Variants in FAM117A observed in about 807,000 individuals in gnomAD.
The protein encoded by FAM117A is protein FAM117A.
Under a neutral mutation model 44.1 loss-of-function variants are expected in FAM117A, and 21 were observed. That is an observed-to-expected ratio of 0.48 (90% CI 0.34 to 0.69). The LOEUF (loss-of-function observed/expected upper bound fraction) is 0.69. Ranked by LOEUF, FAM117A falls within the 30% of genes least tolerant of loss-of-function variation. The pLI, the probability that FAM117A is intolerant of heterozygous loss-of-function variation, is 0.01. For missense variants in FAM117A, 498 were observed against 589.9 expected (o/e 0.84, Z 1.61); for synonymous variants, 220 against 238.3 (o/e 0.92, Z 0.71).
intron 1 of FAM117A, among the ~76,000 whole-genome samples, chr17:49,743,548 T>C (rs2143756618): frequency 6.6e-6 from 1 of 152,120 alleles, no homozygotes; most frequent in Middle Eastern, 3.4e-3. Context: ...GCTAACACAG[T>C]GAAACCCCGT....
intron 1 of FAM117A, among the ~76,000 whole-genome samples, chr17:49,734,842 T>C (rs1404601280): frequency 6.6e-6 from 1 of 152,162 alleles, no homozygotes; most frequent in Non-Finnish European, 1.5e-5. Context: ...TGGAATACTA[T>C]TCAGTCTTCA....
rs754598835 is a variant in FAM117A, at chr17:49,710,596, G to A, written c.*659C>T. ...GGCGGAGAGTATAGAGTCGCCATTT[G>A]CCACCTGGAGGAATGCCAGCTCTCC... On this transcript the variant is annotated 3_prime_UTR_variant, in exon 8 of 8. Transcript: ENST00000240364. The A allele has an allele frequency of 6.5e-6, 1 of 152,672 alleles. No individual in the cohort carries two copies. Among genetic ancestry groups the A allele is most frequent in the Non-Finnish European group, 1.5e-5 (1 of 68,106 alleles). The allele number at this position is 152,672 out of a possible 1,614,324, so 9.5% of individuals were successfully genotyped here. A position where few individuals can be genotyped will look rare whatever the true frequency, so the allele number is the denominator to read the frequency against.
At chr17:49,764,285 T>C (rs1392912307), upstream of FAM117A, 5 of 333,318 alleles carry the variant, frequency 1.5e-5, no homozygotes, top group Non-Finnish European at 2.7e-5. Context: ...GATTGGTCGA[T>C]GAGCCTAGCG....
chr17:49,787,733 G>A (rs1186710361), intron 1 of FAM117A, among the ~76,000 whole-genome samples: 1 of 152,194 alleles, frequency 6.6e-6, no homozygotes, highest in Admixed American at 6.5e-5. Flanking sequence ...CTTTTCTTAA[G>A]GCTCTTCTTT....
At chr17:49,769,629 C>CAGGA (rs1247136354) in intron 1 of FAM117A, among the ~76,000 whole-genome samples, 2 of 151,892 alleles carry the variant, frequency 1.3e-5, no homozygotes, top group Non-Finnish European at 2.9e-5. Context: ...GGCGTGAACC[C>CAGGA]AGGAGGCAGA....
intron 1 of FAM117A, among the ~76,000 whole-genome samples, chr17:49,763,428 A>AAC (rs750083820): frequency 1.8e-4 from 27 of 152,066 alleles, no homozygotes; most frequent in Admixed American, 9.8e-4. Context: ...CTGGAGAAGT[A>AAC]ACACACGGCT....
chr17:49,729,830 A>G lies in FAM117A; in HGVS notation c.366+2721T>C, dbSNP rs2073577334. Among the ~76,000 whole-genome samples, 4 of 152,128 alleles carry G rather than the reference A, an allele frequency of 2.6e-5. 1 individual carries two copies. In the South Asian group the frequency reaches 8.3e-4, roughly 32 times the overall value. On this transcript the variant is annotated intron_variant, in intron 2 of 7. Coordinates refer to ENST00000240364, the MANE Select transcript of FAM117A (RefSeq NM_030802.4). ...TATTAGTCCATTTTTAACAGCTTAA[A>G]AGCTTTCAAGGACTTTGGTAGATCC...
intron 1 of FAM117A, among the ~76,000 whole-genome samples, chr17:49,749,382 C>A (rs1256453738): frequency 6.6e-6 from 1 of 151,952 alleles, no homozygotes; most frequent in Non-Finnish European, 1.5e-5. Context: ...CAAGACCATC[C>A]TGGCCAACAT....
At chr17:49,781,107 T>C (rs1177580296) in intron 1 of FAM117A, among the ~76,000 whole-genome samples, 1 of 152,200 alleles carries the variant, frequency 6.6e-6, no homozygotes, top group African/African-American at 2.4e-5. Context: ...TGAGCCACCA[T>C]GCCTGGCCAT....
intron 1 of FAM117A, among the ~76,000 whole-genome samples, chr17:49,741,549 A>G (rs1386541424): frequency 2.0e-5 from 3 of 152,176 alleles, no homozygotes; most frequent in Non-Finnish European, 4.4e-5. Flanking sequence ...TCTTCACTTA[A>G]GGAGGAGAAG....
intron 1 of FAM117A, among the ~76,000 whole-genome samples, chr17:49,762,587 T>C (rs925427934): frequency 2.0e-5 from 3 of 152,350 alleles, no homozygotes; most frequent in Non-Finnish European, 4.4e-5. Context: ...CTACTACTTC[T>C]GTAATAGCCC....
intron 6 of FAM117A, among the ~76,000 whole-genome samples, chr17:49,717,076 A>C (rs2073507974): frequency 6.6e-6 from 1 of 152,216 alleles, no homozygotes; most frequent in Admixed American, 6.5e-5. Context: ...GAGTAAAAAA[A>C]AAAAATGAGT....
intron 3 of FAM117A, among the ~76,000 whole-genome samples, chr17:49,720,999 C>T (rs562650044): frequency 6.6e-6 from 1 of 152,304 alleles, no homozygotes; most frequent in Non-Finnish European, 1.5e-5. Context: ...AGGCATGAGG[C>T]ATTGCGTCTG....
chr17:49,752,412 C>T (rs1324830514), intron 1 of FAM117A, among the ~76,000 whole-genome samples: 1 of 152,182 alleles, frequency 6.6e-6, no homozygotes, highest in African/African-American at 2.4e-5. Context: ...GGGTCCCTTA[C>T]AGAGAGGACT....
At chr17:49,725,909 C>T (rs913874810) in intron 2 of FAM117A, among the ~76,000 whole-genome samples, 3 of 152,150 alleles carry the variant, frequency 2.0e-5, no homozygotes, top group Non-Finnish European at 2.9e-5. Context: ...GAGGATAAAG[C>T]GATATGACCA....
intron 2 of FAM117A, among the ~76,000 whole-genome samples, chr17:49,727,936 G>A (rs745423784): frequency 7.2e-5 from 11 of 152,218 alleles, no homozygotes; most frequent in Non-Finnish European, 1.0e-4. Context: ...TCAGGACCAC[G>A]TGTTCAACTG....
intron 7 of FAM117A, among the ~76,000 whole-genome samples, chr17:49,712,647 A>C (rs2073484218): frequency 6.6e-6 from 1 of 152,050 alleles, no homozygotes; most frequent in Non-Finnish European, 1.5e-5. Flanking sequence ...AGTAGCTGGG[A>C]CTACAGGCAT....
chr17:49,775,634 G>A (rs1321827124), intron 1 of FAM117A, among the ~76,000 whole-genome samples: 1 of 152,206 alleles, frequency 6.6e-6, no homozygotes, highest in African/African-American at 2.4e-5. Flanking sequence ...GAGGAGTTGT[G>A]TTGTGCAGCG....
chr17:49,744,430 C>A (rs2073646605), intron 1 of FAM117A, among the ~76,000 whole-genome samples: 1 of 150,848 alleles, frequency 6.6e-6, no homozygotes, highest in South Asian at 2.1e-4. Flanking sequence ...CAGGCATGAC[C>A]CACCTCAGCC....
Sources: gnomAD v4.1 joint callset for allele counts (sites outside exome capture counted in the v4.1 genomes callset) on GRCh38, gnomAD v4.1.1 for gene constraint, MANE v1.5 for transcripts, NCBI Gene and HGNC (gene_info 2026-07-23, HGNC 2026-07-21) for gene names.